The following RARS2 variants were observed in gnomAD, a reference collection of about 807,000 sequenced individuals.
The protein encoded by RARS2 is probable arginine--tRNA ligase, mitochondrial.
In RARS2, 67 loss-of-function variants were observed where a neutral mutation model predicts 88.5. The ratio of observed to expected loss-of-function variants is 0.76; its 90% CI spans 0.62 to 0.93. The LOEUF (loss-of-function observed/expected upper bound fraction) is 0.93. RARS2 is among the 40% of genes least tolerant of loss of function. RARS2 has a pLI of 0.00. For missense variants in RARS2, 664 were observed against 684.2 expected (o/e 0.97, Z 0.33); for synonymous variants, 239 against 230.3 (o/e 1.04, Z -0.34).
At chr6:87,514,847 C>G (rs1044450316) in intron 19 of RARS2, 110 bp downstream of exon 19, 116 of 882,188 alleles carry the variant, frequency 1.3e-4, no homozygotes, top group Non-Finnish European at 1.8e-4. Context: ...AGGAAGTATA[C>G]TGCTACAGTT....
intron 1 of RARS2, among the ~76,000 whole-genome samples, chr6:87,585,974 G>A (rs972830963): frequency 6.6e-6 from 1 of 152,178 alleles, no homozygotes; most frequent in Non-Finnish European, 1.5e-5. Flanking sequence ...TTGTAGCTAG[G>A]TTCCTACAAA....
chr6:87,524,681 C>T (rs1166193787), intron 10 of RARS2, 29 bp from the exon 11 acceptor site: 1 of 1,474,522 alleles, frequency 6.8e-7, no homozygotes, highest in Non-Finnish European at 9.5e-7. Flanking sequence ...AACTCTGAAG[C>T]AACATAATAA....
At chr6:87,589,670 G>A (rs1776398955) in intron 1 of RARS2, 1 of 985,148 alleles carries the variant, frequency 1.0e-6, no homozygotes, top group African/African-American at 1.7e-5. Context: ...ATAGCTGTGG[G>A]GTGGGAAGGA....
chr6:87,568,829 A>G (rs1165275921), intron 2 of RARS2, among the ~76,000 whole-genome samples: 1 of 152,226 alleles, frequency 6.6e-6, no homozygotes. Context: ...TGGTACTGGT[A>G]ATTATATCTT....
At position 87,518,739 on chromosome 6, in the gene RARS2, C is replaced by G. The variant is rs1451599537; in HGVS notation, c.1306G>C (p.Asp436His). Reference sequence around the variant, plus strand: ...TCAGATAAGAGTAAACCTTTGAAGTCCTAAAACGACAGAGGAAATCTTCAC... The same window carrying G: ...TCAGATAAGAGTAAACCTTTGAAGTGCTAAAACGACAGAGGAAATCTTCAC... Reference protein sequence around the residue: ...RVGLAALIIQDFKGLLLSDYK... With the variant: ...RVGLAALIIQHFKGLLLSDYK... Residue 436 changes from aspartate (D) to histidine (H), a missense_variant and splice_region_variant, in exon 16 of 20, where the codon GAC (aspartate) becomes CAC (histidine). Coordinates refer to ENST00000369536, the MANE Select transcript of RARS2 (RefSeq NM_020320.5). 6.2e-7 allele frequency: 1 copy of G among 1,613,650 alleles called. No homozygotes were observed. The highest frequency in any genetic ancestry group is 8.5e-7 in the Non-Finnish European group (1 of 1,179,592).
At position 87,579,897 on chromosome 6, in the gene RARS2, T is replaced by A. The variant is rs185402279; in HGVS notation, c.36+10025A>T. 3.7e-3 allele frequency among the ~76,000 whole-genome samples: 565 copies of A among 151,754 alleles called. 5 individuals carry two copies. The highest frequency in any genetic ancestry group is 0.013 in the African/African-American group (526 of 41,388). On this transcript the variant is annotated intron_variant, in intron 1 of 19. Coordinates refer to ENST00000369536, the MANE Select transcript of RARS2 (RefSeq NM_020320.5). ...TCAGCCTGGGATTACAGGCACCCAC[T>A]ATGCCCAGCTAATTTTTGTATTTTT...
chr6:87,573,002 T>C (rs991921179), intron 1 of RARS2, among the ~76,000 whole-genome samples: 3 of 152,198 alleles, frequency 2.0e-5, no homozygotes, highest in Admixed American at 6.6e-5. Flanking sequence ...ATCTTACTCA[T>C]ATGAAGATAT....
intron 5 of RARS2, among the ~76,000 whole-genome samples, chr6:87,552,905 T>C (rs1320891786): frequency 6.6e-6 from 1 of 152,196 alleles, no homozygotes. Context: ...AGTTAGGTAA[T>C]TGAAAGGGGT....
chr6:87,533,761 C>G (rs1778295785), intron 8 of RARS2, among the ~76,000 whole-genome samples: 1 of 152,186 alleles, frequency 6.6e-6, no homozygotes, highest in Non-Finnish European at 1.5e-5. Context: ...TTACAGTAAG[C>G]TCTTGGGCTG....
In RARS2 at chr6:87,529,571, C is replaced by T; in HGVS notation, c.849G>A (p.Leu283=). The change falls in exon 10 of 20, where the codon CTG becomes CTA. Residue 283 remains leucine (L), a synonymous_variant. Coordinates refer to ENST00000369536, the MANE Select transcript of RARS2 (RefSeq NM_020320.5). ...REKSQEVLKL[L]ESKGLLLKTI... is the part of the protein sequence containing the mutation. ...TTTTCAGTAGGAGTCCTTTACTCTC[C>T]AGCAACTTTAAGACCTCTTGAGATT... The T allele has an allele frequency of 6.2e-7, 1 of 1,602,468 alleles. No individual in the cohort carries two copies. The highest frequency in any genetic ancestry group is 8.6e-7 in the Non-Finnish European group (1 of 1,169,426).
At chr6:87,514,618 C>T in intron 19 of RARS2, 119 bp from the exon 20 acceptor site, 1 of 889,014 alleles carries the variant, frequency 1.1e-6, no homozygotes, top group Non-Finnish European at 1.8e-6. Context: ...TGTCAAAGTG[C>T]CCTAGAGTTA....
intron 1 of RARS2, among the ~76,000 whole-genome samples, chr6:87,577,474 G>C (rs1220602034): frequency 1.3e-5 from 2 of 152,140 alleles, no homozygotes; most frequent in African/African-American, 4.8e-5. Context: ...TGGGATTATA[G>C]GTGTGAGCCA....
intron 6 of RARS2, among the ~76,000 whole-genome samples, chr6:87,547,567 G>C (rs549750033): frequency 6.6e-6 from 1 of 151,890 alleles, no homozygotes; most frequent in Non-Finnish European, 1.5e-5. Context: ...AATGAAAATC[G>C]TAAGTATATT....
At chr6:87,560,796 GA>G in intron 4 of RARS2, among the ~76,000 whole-genome samples, 1 of 152,320 alleles carries the variant, frequency 6.6e-6, no homozygotes, top group South Asian at 2.1e-4. Context: ...GCAGAGGCAG[GA>G]GAATCGCTTG....
At chr6:87,530,188 T>C (rs1055572373) in intron 9 of RARS2, among the ~76,000 whole-genome samples, 1 of 152,288 alleles carries the variant, frequency 6.6e-6, no homozygotes, top group Non-Finnish European at 1.5e-5. Flanking sequence ...CCTAGAATCA[T>C]GCCCCATATG....
rs567459627 is a variant in RARS2 at position 87,555,327 on chromosome 6, G to C, written c.395+81C>G. The C allele has an allele frequency of 9.1e-5, 96 of 1,051,024 alleles. No homozygotes were observed. In the South Asian group the frequency reaches 1.3e-3, roughly 14 times the overall value. The allele number at this position is 1,051,024 out of a possible 1,614,324, so 65.1% of individuals were successfully genotyped here. A position where few individuals can be genotyped will look rare whatever the true frequency, so the allele number is the denominator to read the frequency against. On this transcript the variant is annotated intron_variant, in intron 5 of 19. Transcript: ENST00000369536. ...AAGTTTTCCACATGTTATTTATTAA[G>C]ACCCCCAAATAATGATGGTAATAAC...
At chr6:87,554,906 T>C (rs2128142846) in intron 5 of RARS2, among the ~76,000 whole-genome samples, 1 of 152,088 alleles carries the variant, frequency 6.6e-6, no homozygotes. Flanking sequence ...ATGGAGACCA[T>C]CCTGGCTAAC....
At chr6:87,580,608 C>G (rs1214766784) in intron 1 of RARS2, among the ~76,000 whole-genome samples, 2 of 148,454 alleles carry the variant, frequency 1.3e-5, no homozygotes, top group African/African-American at 5.0e-5. Flanking sequence ...AAAAAAAGGA[C>G]TTTTTTTTAT....
At chr6:87,546,087 C>CT (rs1782559151) in intron 6 of RARS2, among the ~76,000 whole-genome samples, 1 of 151,976 alleles carries the variant, frequency 6.6e-6, no homozygotes, top group African/African-American at 2.4e-5. Context: ...TGTATTTTCC[C>CT]TTTTTGTGTT....
Sources: gnomAD v4.1 joint callset for allele counts (sites outside exome capture counted in the v4.1 genomes callset) on GRCh38, gnomAD v4.1.1 for gene constraint, MANE v1.5 for transcripts, NCBI Gene and HGNC (gene_info 2026-07-23, HGNC 2026-07-21) for gene names.